DROSHA: variants seen among roughly 807,000 people sequenced by gnomAD.
DROSHA encodes ribonuclease 3.
Under a neutral mutation model 181.9 loss-of-function variants are expected in DROSHA, and 56 were observed. That is an observed-to-expected ratio of 0.31 (90% CI 0.25 to 0.38). The LOEUF (loss-of-function observed/expected upper bound fraction) is 0.38, where lower values mean the gene tolerates loss of function less well. DROSHA is among the 10% of genes least tolerant of loss of function. The probability of loss-of-function intolerance (pLI) is 1.00; values close to 1 mark genes in which losing one functional copy is unlikely to be tolerated. For synonymous variants in DROSHA, 524 were observed against 591.2 expected, an observed-to-expected ratio of 0.89 and a Z score of 1.65; for missense variants, 1,218 against 1,743.5, an observed-to-expected ratio of 0.70 and a Z score of 5.37.
intron 11 of DROSHA, among the ~76,000 whole-genome samples, chr5:31,503,915 G>A (rs1737603104): frequency 6.6e-6 from 1 of 152,078 alleles, no homozygotes; most frequent in Admixed American, 6.6e-5. Context: ...TAGAAATTAA[G>A]GTTTTACATA....
chr5:31,431,366 CAA>C (rs58316191), intron 26 of DROSHA, among the ~76,000 whole-genome samples: 10,030 of 57,358 alleles, frequency 0.17, 268 homozygotes, highest in East Asian at 0.32. Flanking sequence ...CAGTAGAATG[CAA>C]AAAAAAAAAA....
rs60001713 is a variant in DROSHA, at chr5:31,446,446, C to CAAAAAAAAAAAAAA, written c.2882+2087_2882+2100dup. ...TGGGCGACAGAGCGAGACTCTGTCT[C>CAAAAAAAAAAAAAA]AAAAAAAAAAAAAAAAAAAAGATTC... On this transcript the variant is annotated intron_variant, in intron 23 of 35. Transcript: ENST00000344624. Among the ~76,000 whole-genome samples the CAAAAAAAAAAAAAA allele has an allele frequency of 4.4e-4, 26 of 59,350 alleles. 2 individuals are homozygous for CAAAAAAAAAAAAAA. The highest frequency in any genetic ancestry group is 1.3e-3 in the African/African-American group (23 of 18,272). The allele number at this position is 59,350 out of a possible 152,430, so 38.9% of individuals were successfully genotyped here.
chr5:31,475,723 C>T (rs923282874), intron 16 of DROSHA, among the ~76,000 whole-genome samples: 1 of 151,934 alleles, frequency 6.6e-6, no homozygotes, highest in African/African-American at 2.4e-5. Context: ...TCTAAAATAC[C>T]GTAAGAAGGA....
chr5:31,436,423 C>T (rs2150005464), intron 24 of DROSHA, among the ~76,000 whole-genome samples: 1 of 146,290 alleles, frequency 6.8e-6, no homozygotes, highest in Non-Finnish European at 1.5e-5. Context: ...GACAGAGTCT[C>T]ACTCTGTCAC....
chr5:31,443,260 C>T (rs1297650065), intron 23 of DROSHA, among the ~76,000 whole-genome samples: 1 of 151,958 alleles, frequency 6.6e-6, no homozygotes, highest in Non-Finnish European at 1.5e-5. Flanking sequence ...TCAGGTGATC[C>T]ACCCACCTCG....
intron 27 of DROSHA, among the ~76,000 whole-genome samples, chr5:31,426,307 G>A (rs1743465179): frequency 6.6e-6 from 1 of 151,972 alleles, no homozygotes; most frequent in African/African-American, 2.4e-5. Context: ...AGGACCTTAG[G>A]CAAGGTCTCT....
At chr5:31,403,643 C>T (rs973401568) in intron 35 of DROSHA, among the ~76,000 whole-genome samples, 1 of 152,144 alleles carries the variant, frequency 6.6e-6, no homozygotes, top group Non-Finnish European at 1.5e-5. Context: ...ATACAGCTAT[C>T]TATCTGTTTT....
intron 18 of DROSHA, 79 bp from the exon 19 acceptor site, chr5:31,466,360 G>T (rs1332413224): frequency 2.5e-6 from 3 of 1,182,310 alleles, no homozygotes; most frequent in Non-Finnish European, 3.8e-6. Context: ...ATTTTAAGAG[G>T]CCTCTTCAAA....
chr5:31,431,376 AAAAAAAAAAAAAAG>A (rs1258464234), intron 26 of DROSHA, among the ~76,000 whole-genome samples, 186 bp downstream of exon 26: 3 of 150,286 alleles, frequency 2.0e-5, no homozygotes, highest in African/African-American at 4.9e-5. Flanking sequence ...CAAAAAAAAA[AAAAAAAAAAAAAAG>A]AGGCATGTTC....
chr5:31,480,409 T>C (rs993439136), intron 16 of DROSHA, among the ~76,000 whole-genome samples: 12 of 151,724 alleles, frequency 7.9e-5, no homozygotes, highest in African/African-American at 2.9e-4. Context: ...AACTAATACA[T>C]GGTGTTTCAA....
intron 29 of DROSHA, among the ~76,000 whole-genome samples, chr5:31,422,021 G>C (rs745510331): frequency 1.4e-5 from 2 of 142,110 alleles, no homozygotes; most frequent in Non-Finnish European, 3.0e-5. Flanking sequence ...AGCCCTGAAG[G>C]TCAAGGGCTG....
rs1281210819 is a variant in DROSHA, at chr5:31,429,370, C to T, written c.3216+105G>A. On this transcript the variant is annotated intron_variant, in intron 27 of 35. Transcript: ENST00000344624. Reference sequence around the variant, plus strand: ...AATGTCCCATCTATGGTAGATCTGACTATTTTGTTTCTCCTATATTCTCTT... The same window carrying T: ...AATGTCCCATCTATGGTAGATCTGATTATTTTGTTTCTCCTATATTCTCTT... 3 of 1,054,156 alleles carry T rather than the reference C, an allele frequency of 2.8e-6. No homozygotes were observed. In the Admixed American group the frequency reaches 8.7e-5, roughly 31 times the overall value. The allele number at this position is 1,054,156 out of a possible 1,614,324, so 65.3% of individuals were successfully genotyped here.
At chr5:31,520,625 TGACCCC>T (rs1739783407) in intron 6 of DROSHA, among the ~76,000 whole-genome samples, 1 of 152,150 alleles carries the variant, frequency 6.6e-6, no homozygotes, top group Admixed American at 6.5e-5. Context: ...AGCTAATAAC[TGACCCC>T]GAATCTGTCA....
chr5:31,528,668 A>G (rs1056319330), intron 4 of DROSHA, among the ~76,000 whole-genome samples: 2 of 152,128 alleles, frequency 1.3e-5, no homozygotes, highest in Admixed American at 6.6e-5. Flanking sequence ...TGGCCTTTCT[A>G]CAACCACTGT....
At chr5:31,484,097 C>T (rs528748635) in intron 15 of DROSHA, among the ~76,000 whole-genome samples, 1 of 152,184 alleles carries the variant, frequency 6.6e-6, no homozygotes, top group Admixed American at 6.5e-5. Flanking sequence ...AACCGCTGGG[C>T]GCAGTGGCTC....
chr5:31,450,351 G>A (rs1053141096), intron 21 of DROSHA, among the ~76,000 whole-genome samples: 1 of 152,104 alleles, frequency 6.6e-6, no homozygotes, highest in South Asian at 2.1e-4. Context: ...AGAAAAAGAA[G>A]TCATTATATC....
At chr5:31,492,373 A>T (rs1410219804) in intron 13 of DROSHA, among the ~76,000 whole-genome samples, 2 of 152,232 alleles carry the variant, frequency 1.3e-5, no homozygotes, top group South Asian at 4.1e-4. Context: ...TGTACTCTCC[A>T]ATGGAACAGA....
At chr5:31,480,537 T>C (rs967585069) in intron 16 of DROSHA, among the ~76,000 whole-genome samples, 3 of 152,062 alleles carry the variant, frequency 2.0e-5, no homozygotes, top group African/African-American at 7.2e-5. Flanking sequence ...ATTCACTTTG[T>C]AAAAACTCAC....
intron 16 of DROSHA, among the ~76,000 whole-genome samples, chr5:31,478,126 G>C (rs1750618562): frequency 6.6e-6 from 1 of 152,130 alleles, no homozygotes; most frequent in Admixed American, 6.5e-5. Context: ...GAAAAATGCG[G>C]AAAGTTACTC....
Sources: gnomAD v4.1 joint callset for allele counts (sites outside exome capture counted in the v4.1 genomes callset) on GRCh38, gnomAD v4.1.1 for gene constraint, MANE v1.5 for transcripts, NCBI Gene and HGNC (gene_info 2026-07-23, HGNC 2026-07-21) for gene names.